Variants in CORO7 observed in about 807,000 individuals in gnomAD.
CORO7 encodes the protein coronin 7.
In CORO7, 107 loss-of-function variants were observed where a neutral mutation model predicts 126.6. The observed-to-expected ratio is 0.85, with a 90% CI of 0.72 to 0.99. The LOEUF is 0.99. CORO7 is among the 50% of genes least tolerant of loss of function. The pLI is 0.00. For missense variants in CORO7, 1,314 were observed against 1,255.8 expected, an observed-to-expected ratio of 1.05 and a Z score of -0.70; for synonymous variants, 603 against 536.8, an observed-to-expected ratio of 1.12 and a Z score of -1.70.
At chr16:4,406,224 T>G (rs2053121081) in intron 5 of CORO7, among the ~76,000 whole-genome samples, 1 of 152,184 alleles carries the variant, frequency 6.6e-6, no homozygotes, top group South Asian at 2.1e-4. Context: ...GGTCTCGAAC[T>G]CCTAACCTCA....
Position 4,416,448 on chromosome 16 carries a change from G to C in CORO7, c.60+11C>G. 2.5e-6 allele frequency: 4 copies of C among 1,570,110 alleles called. No homozygotes were observed. The highest frequency in any genetic ancestry group is 3.4e-6 in the Non-Finnish European group (4 of 1,162,806). ...CGAGGCGACAGCGCCCGGTCCTCGG[G>C]CCGGACTCACCTCGCGGCGGGGCGG... is the stretch of plus-strand genomic sequence containing the variant. On this transcript the variant is annotated intron_variant, in intron 1 of 27. Coordinates refer to ENST00000251166, the MANE Select transcript of CORO7 (RefSeq NM_024535.5).
intron 6 of CORO7, among the ~76,000 whole-genome samples, chr16:4,398,542 T>C (rs1257119323): frequency 6.6e-6 from 1 of 151,892 alleles, no homozygotes; most frequent in Non-Finnish European, 1.5e-5. Context: ...GGCGTGCACC[T>C]GTAATACCAG....
chr16:4,376,649 C>T (rs553267612), intron 9 of CORO7, among the ~76,000 whole-genome samples: 58 of 152,272 alleles, frequency 3.8e-4, no homozygotes, highest in African/African-American at 1.3e-3. Context: ...TGACCCTGGG[C>T]GTGTGTGGTG....
At chr16:4,381,780 CTGCGTG>C in intron 9 of CORO7, 1 of 1,601,006 alleles carries the variant, frequency 6.2e-7, no homozygotes, top group Non-Finnish European at 8.5e-7. Flanking sequence ...ACCCCTTCAA[CTGCGTG>C]TGCCCCCTGA....
intron 9 of CORO7, among the ~76,000 whole-genome samples, chr16:4,377,655 C>T (rs1306525293): frequency 6.6e-6 from 1 of 152,232 alleles, no homozygotes; most frequent in South Asian, 2.1e-4. Context: ...CTGGGTTCCT[C>T]TCGGGGCTGG....
intron 7 of CORO7, among the ~76,000 whole-genome samples, chr16:4,391,071 G>T (rs2055369955): frequency 6.6e-6 from 1 of 152,168 alleles, no homozygotes; most frequent in African/African-American, 2.4e-5. Flanking sequence ...GAGGGAGGGG[G>T]TCAGTGGCCC....
At chr16:4,398,627 T>C (rs1310616935) in intron 6 of CORO7, among the ~76,000 whole-genome samples, 1 of 148,314 alleles carries the variant, frequency 6.7e-6, no homozygotes. Flanking sequence ...GATCATGCCA[T>C]TGCACTCCAG....
At chr16:4,408,608 A>G (rs1006670851) in intron 3 of CORO7, among the ~76,000 whole-genome samples, 1 of 152,236 alleles carries the variant, frequency 6.6e-6, no homozygotes, top group African/African-American at 2.4e-5. Flanking sequence ...CCAGGACTCA[A>G]CTAAGAAATT....
chr16:4,368,826 G>A (rs2054429127), intron 9 of CORO7, among the ~76,000 whole-genome samples: 1 of 152,042 alleles, frequency 6.6e-6, no homozygotes, highest in Admixed American at 6.6e-5. Flanking sequence ...AATAGAAAGA[G>A]GATAGGACCA....
Position 4,360,972 on chromosome 16 carries a change from G to T in CORO7, c.1888C>A (p.Arg630=). 6.2e-7 allele frequency: 1 copy of T among 1,612,360 alleles called. No homozygotes were observed. ...RIWDLQAGAD[R]LKLQGHQDQI... ...TCTTGGTGGCCCTGCAGCTTCAGCC[G>T]ATCAGCTCCAGCCTGAAGGTCCCAG... The change falls in exon 19 of 28, where the codon CGG becomes AGG. Residue 630 remains arginine, a synonymous_variant. Transcript: ENST00000251166.
chr16:4,357,584 G>A (rs938402368), intron 25 of CORO7: 18 of 332,694 alleles, frequency 5.4e-5, no homozygotes, highest in African/African-American at 2.8e-4. Flanking sequence ...TCAAACCCCC[G>A]ACCTCAGGTG....
chr16:4,383,286 G>T, intron 9 of CORO7: 1 of 236,304 alleles, frequency 4.2e-6, no homozygotes, highest in Non-Finnish European at 8.8e-6. Flanking sequence ...GAGGGAGAGC[G>T]GGTAGGCGGC....
At chr16:4,358,633 C>T (rs930252946) in intron 23 of CORO7, 150 bp from the exon 24 acceptor site, 1 of 633,098 alleles carries the variant, frequency 1.6e-6, no homozygotes, top group African/African-American at 1.9e-5. Context: ...GTTGAACAAC[C>T]TGCTCTCTGG....
chr16:4,366,757 G>A (rs567066298), intron 9 of CORO7, among the ~76,000 whole-genome samples: 32 of 152,022 alleles, frequency 2.1e-4, no homozygotes, highest in South Asian at 4.2e-4. Context: ...TTCCGAGGCC[G>A]GTCTCAAACT....
intron 11 of CORO7, 37 bp from the exon 12 acceptor site, chr16:4,364,957 C>G (rs377380456): frequency 6.2e-7 from 1 of 1,605,952 alleles, no homozygotes; most frequent in East Asian, 2.2e-5. Flanking sequence ...GCAGGATGGG[C>G]AGGGGAGGGG....
intron 27 of CORO7, 33 bp downstream of exon 27, chr16:4,355,253 G>A (rs755225351): frequency 6.2e-7 from 1 of 1,611,724 alleles, no homozygotes; most frequent in Non-Finnish European, 8.5e-7. Flanking sequence ...GGACCGCGCT[G>A]CCTGCCGGGA....
intron 9 of CORO7, among the ~76,000 whole-genome samples, chr16:4,386,885 T>C (rs923092251): frequency 6.6e-6 from 1 of 152,012 alleles, no homozygotes; most frequent in Non-Finnish European, 1.5e-5. Context: ...AGGTGGGAGC[T>C]CTTCTGGGGA....
chr16:4,378,563 A>G (rs2054835381), intron 9 of CORO7, among the ~76,000 whole-genome samples: 1 of 152,116 alleles, frequency 6.6e-6, no homozygotes, highest in South Asian at 2.1e-4. Flanking sequence ...AGCGGGTCCC[A>G]TGGGGGAAGA....
At chr16:4,400,211 G>A (rs1439337641) in intron 6 of CORO7, among the ~76,000 whole-genome samples, 5 of 152,152 alleles carry the variant, frequency 3.3e-5, no homozygotes, top group African/African-American at 1.2e-4. Context: ...TAATAATAAT[G>A]TATCAGGCTG....
Sources: allele counts gnomAD v4.1 joint callset (sites outside exome capture counted in the v4.1 genomes callset), GRCh38; gene constraint gnomAD v4.1.1; transcripts MANE v1.5; gene names NCBI Gene and HGNC (gene_info 2026-07-23, HGNC 2026-07-21).